The following PDE3A variants were observed in gnomAD, a reference collection of about 807,000 sequenced individuals.
The protein encoded by PDE3A is phosphodiesterase 3A.
Under a neutral mutation model 98.3 loss-of-function variants are expected in PDE3A, and 43 were observed. The ratio of observed to expected loss-of-function variants is 0.44; its 90% CI spans 0.34 to 0.56. The LOEUF is 0.56. Ranked by LOEUF, PDE3A falls within the 20% of genes least tolerant of loss-of-function variation. The pLI is 0.01. For missense variants in PDE3A, 1,427 were observed against 1,440.7 expected (o/e 0.99, Z 0.15); for synonymous variants, 663 against 567.9 (o/e 1.17, Z -2.38).
At chr12:20,589,674 C>G (rs2121371530) in intron 2 of PDE3A, among the ~76,000 whole-genome samples, 1 of 151,866 alleles carries the variant, frequency 6.6e-6, no homozygotes, top group Non-Finnish European at 1.5e-5. Context: ...CGAGACCATC[C>G]TGGCTAACAC....
intron 2 of PDE3A, among the ~76,000 whole-genome samples, chr12:20,611,925 G>A (rs1458522954): frequency 1.3e-5 from 2 of 151,298 alleles, no homozygotes; most frequent in African/African-American, 4.9e-5. Context: ...CTACTTATAT[G>A]TATCTCGGTT....
chr12:20,393,965 G>A (rs1468697459), intron 1 of PDE3A, among the ~76,000 whole-genome samples: 1 of 152,002 alleles, frequency 6.6e-6, no homozygotes, highest in Non-Finnish European at 1.5e-5. Flanking sequence ...ACATCCATCA[G>A]GTATGTTGAC....
At chr12:20,441,141 C>T (rs1333319266) in intron 1 of PDE3A, among the ~76,000 whole-genome samples, 2 of 152,034 alleles carry the variant, frequency 1.3e-5, no homozygotes, top group African/African-American at 4.8e-5. Context: ...GAAAATAGAA[C>T]ATAATTGAGA....
At chr12:20,472,042 C>G (rs1352862799) in intron 1 of PDE3A, among the ~76,000 whole-genome samples, 3 of 152,114 alleles carry the variant, frequency 2.0e-5, no homozygotes, top group Non-Finnish European at 2.9e-5. Context: ...CATCCCCACC[C>G]TCTTAAGGCT....
At chr12:20,611,225 A>T (rs1049891777) in intron 2 of PDE3A, among the ~76,000 whole-genome samples, 13 of 43,744 alleles carry the variant, frequency 3.0e-4, no homozygotes, top group Non-Finnish European at 5.4e-4. Context: ...CAGAAAAATA[A>T]AATTAACCCT....
At chr12:20,652,576 A>C (rs1402002164) in intron 14 of PDE3A, among the ~76,000 whole-genome samples, 5 of 152,110 alleles carry the variant, frequency 3.3e-5, no homozygotes, top group African/African-American at 1.2e-4. Flanking sequence ...TCTTTTGAGA[A>C]GTGTCTGTTC....
chr12:20,369,025 T>C lies in PDE3A; in HGVS notation c.-260T>C, dbSNP rs563888235. On this transcript the variant is annotated 5_prime_UTR_variant, in exon 1 of 16. Transcript: ENST00000359062. ...AGAAAAGGGGAATCCTGATCGTTTC[T>C]GCCCGTGCTTGTTTTCAACTTGAGC... 6.6e-6 allele frequency among the ~76,000 whole-genome samples: 1 copy of C among 152,224 alleles called. No individual in the cohort carries two copies. The highest frequency in any genetic ancestry group is 1.5e-5 in the Non-Finnish European group (1 of 68,034).
At chr12:20,666,370 T>C (rs559983198) in intron 15 of PDE3A, among the ~76,000 whole-genome samples, 1 of 152,314 alleles carries the variant, frequency 6.6e-6, no homozygotes, top group South Asian at 2.1e-4. Flanking sequence ...TCGAAGAACT[T>C]ATTTATTCTA....
chr12:20,380,882 T>G (rs1259688663), intron 1 of PDE3A, among the ~76,000 whole-genome samples: 2 of 151,896 alleles, frequency 1.3e-5, no homozygotes, highest in Non-Finnish European at 2.9e-5. Context: ...ATTTGTGAGT[T>G]TACATTTTGC....
At chr12:20,565,479 A>G (rs1001933825) in intron 2 of PDE3A, among the ~76,000 whole-genome samples, 1 of 152,038 alleles carries the variant, frequency 6.6e-6, no homozygotes, top group African/African-American at 2.4e-5. Flanking sequence ...GATTGTGCCA[A>G]AAATAATCAG....
At chr12:20,533,979 C>T (rs2121197166) in intron 1 of PDE3A, among the ~76,000 whole-genome samples, 1 of 152,106 alleles carries the variant, frequency 6.6e-6, no homozygotes, top group African/African-American at 2.4e-5. Context: ...AGCAAATCAC[C>T]TGTGTACTTT....
chr12:20,423,984 GT>G (rs1944564676), intron 1 of PDE3A, among the ~76,000 whole-genome samples: 1 of 152,138 alleles, frequency 6.6e-6, no homozygotes, highest in Non-Finnish European at 1.5e-5. Context: ...GAGTTATTGT[GT>G]TTAGTCTAAG....
intron 1 of PDE3A, among the ~76,000 whole-genome samples, chr12:20,452,506 T>C (rs1945083027): frequency 6.6e-6 from 1 of 152,256 alleles, no homozygotes; most frequent in Non-Finnish European, 1.5e-5. Flanking sequence ...ATTAGGATTC[T>C]TGTTTTCTTT....
At chr12:20,567,990 A>G (rs1258963178) in intron 2 of PDE3A, among the ~76,000 whole-genome samples, 3 of 151,992 alleles carry the variant, frequency 2.0e-5, no homozygotes, top group Non-Finnish European at 4.4e-5. Flanking sequence ...CTTAAAAAGT[A>G]TTTGTTCGTT....
intron 2 of PDE3A, among the ~76,000 whole-genome samples, chr12:20,592,520 T>C (rs1943364617): frequency 6.6e-6 from 1 of 152,210 alleles, no homozygotes; most frequent in Non-Finnish European, 1.5e-5. Context: ...TGTGTGCTGT[T>C]ATTATAACGA....
At chr12:20,480,736 T>C (rs928400112) in intron 1 of PDE3A, among the ~76,000 whole-genome samples, 3 of 152,204 alleles carry the variant, frequency 2.0e-5, no homozygotes, top group Non-Finnish European at 2.9e-5. Context: ...TTAAAAACCA[T>C]AGTAGGGCAG....
At chr12:20,589,248 A>G (rs1943265420) in intron 2 of PDE3A, among the ~76,000 whole-genome samples, 1 of 152,090 alleles carries the variant, frequency 6.6e-6, no homozygotes, top group Admixed American at 6.5e-5. Flanking sequence ...TTTATAATGT[A>G]CTTATTTCTG....
intron 2 of PDE3A, 97 bp from the exon 3 acceptor site, chr12:20,613,346 G>C (rs1444431053): frequency 9.1e-7 from 1 of 1,101,564 alleles, no homozygotes; most frequent in Non-Finnish European, 1.4e-6. Context: ...TAAAGAATCA[G>C]CCCAATTCAT....
chr12:20,500,067 C>G (rs1007993628), intron 1 of PDE3A, among the ~76,000 whole-genome samples: 1 of 152,196 alleles, frequency 6.6e-6, no homozygotes, highest in East Asian at 1.9e-4. Flanking sequence ...GCAAGAGTCT[C>G]TGCCACCTGT....
Sources: allele counts gnomAD v4.1 joint callset (sites outside exome capture counted in the v4.1 genomes callset), GRCh38; gene constraint gnomAD v4.1.1; transcripts MANE v1.5; gene names NCBI Gene and HGNC (gene_info 2026-07-23, HGNC 2026-07-21).